The following DCBLD2 variants were observed in gnomAD, a reference collection of about 807,000 sequenced individuals.
DCBLD2 encodes discoidin, CUB and LCCL domain-containing protein 2.
Under a neutral mutation model 86.8 loss-of-function variants are expected in DCBLD2, and 54 were observed. That is an observed-to-expected ratio of 0.62 (90% CI 0.50 to 0.78). DCBLD2 has a LOEUF of 0.78. DCBLD2 is among the 30% of genes least tolerant of loss of function. The pLI is 0.00. For synonymous variants in DCBLD2, 354 were observed against 341.3 expected (o/e 1.04, Z -0.41); for missense variants, 908 against 954.2 (o/e 0.95, Z 0.64).
chr3:98,841,311 T>C (rs777630797), intron 3 of DCBLD2, among the ~76,000 whole-genome samples: 15 of 152,296 alleles, frequency 9.8e-5, no homozygotes, highest in Non-Finnish European at 5.9e-5. Flanking sequence ...CTAAGACAGT[T>C]GCAAACTTAG....
rs566697199 is a variant in DCBLD2 at position 98,798,112 on chromosome 3, C to G, written c.*1260G>C. 6.6e-5 allele frequency: 10 copies of G among 152,264 alleles called. No individual in the cohort carries two copies. The highest frequency in any genetic ancestry group is 2.0e-4 in the Admixed American group (3 of 15,286). 9.4% of individuals were successfully genotyped at this position (152,264 alleles called of 1,614,324 possible). ...GGAAGCTGCCAGGAGGTATCAAAAA[C>G]AAGGCATGAATATTCATTTGCTAGT... On this transcript the variant is annotated 3_prime_UTR_variant, in exon 16 of 16. Coordinates refer to ENST00000326840, the MANE Select transcript of DCBLD2 (RefSeq NM_080927.4).
At chr3:98,829,942 G>T (rs1942290959) in intron 3 of DCBLD2, among the ~76,000 whole-genome samples, 1 of 152,064 alleles carries the variant, frequency 6.6e-6, no homozygotes, top group Non-Finnish European at 1.5e-5. Context: ...ATTCTGACTG[G>T]TATGAGATGG....
chr3:98,809,824 T>C (rs1941906901), intron 12 of DCBLD2, among the ~76,000 whole-genome samples: 1 of 152,104 alleles, frequency 6.6e-6, no homozygotes, highest in African/African-American at 2.4e-5. Flanking sequence ...GCTGTAAAAA[T>C]GGAGAAGTCC....
At chr3:98,900,741 C>G (rs1943832297) in intron 1 of DCBLD2, 1 of 252,852 alleles carries the variant, frequency 4.0e-6, no homozygotes, top group South Asian at 4.6e-5. Flanking sequence ...GCTTAAGATG[C>G]TATTTAATTA....
chr3:98,831,853 T>C (rs1232687157), intron 3 of DCBLD2, among the ~76,000 whole-genome samples: 1 of 152,200 alleles, frequency 6.6e-6, no homozygotes. Context: ...GATTGCTTTA[T>C]GTCCGATTAT....
At chr3:98,826,436 C>T (rs771053006) in intron 3 of DCBLD2, among the ~76,000 whole-genome samples, 37 of 152,242 alleles carry the variant, frequency 2.4e-4, no homozygotes, top group Non-Finnish European at 4.6e-4. Flanking sequence ...CTGCCACTTC[C>T]TCACAGAAGC....
At chr3:98,810,911 G>A (rs778129267) in intron 12 of DCBLD2, among the ~76,000 whole-genome samples, 19 of 152,092 alleles carry the variant, frequency 1.2e-4, no homozygotes, top group Non-Finnish European at 2.4e-4. Flanking sequence ...TTCTAAGCCT[G>A]AGAGTCAACA....
At chr3:98,842,485 C>A (rs1476124859) in intron 3 of DCBLD2, among the ~76,000 whole-genome samples, 1 of 152,150 alleles carries the variant, frequency 6.6e-6, no homozygotes, top group African/African-American at 2.4e-5. Context: ...TGATTCAGAG[C>A]CAATTAACAT....
intron 3 of DCBLD2, among the ~76,000 whole-genome samples, chr3:98,834,040 C>T (rs1007988266): frequency 6.6e-6 from 1 of 152,086 alleles, no homozygotes; most frequent in African/African-American, 2.4e-5. Flanking sequence ...TTTTCCAGCA[C>T]CACTTCCCTG....
intron 2 of DCBLD2, among the ~76,000 whole-genome samples, chr3:98,866,302 T>C (rs962489298): frequency 6.6e-6 from 1 of 152,226 alleles, no homozygotes; most frequent in Non-Finnish European, 1.5e-5. Flanking sequence ...TCCACAATGG[T>C]TGAACTAGTT....
chr3:98,811,808 G>A (rs1941945137), intron 10 of DCBLD2, among the ~76,000 whole-genome samples: 1 of 152,128 alleles, frequency 6.6e-6, no homozygotes, highest in Non-Finnish European at 1.5e-5. Context: ...GGGGTGGAAA[G>A]TGATGTTGAA....
chr3:98,814,911 A>T (rs888596719), intron 9 of DCBLD2: 7 of 152,282 alleles, frequency 4.6e-5, no homozygotes, highest in Non-Finnish European at 1.0e-4. Context: ...AGGGAAACAA[A>T]TAAGGTGAAC....
chr3:98,813,095 TATTA>T (rs1454424402), intron 9 of DCBLD2: 4 of 152,254 alleles, frequency 2.6e-5, no homozygotes, highest in Non-Finnish European at 4.4e-5. Flanking sequence ...ATGCTTAAAT[TATTA>T]ATTATTTTTA....
At chr3:98,849,772 CAAGTA>C (rs1942799954) in intron 2 of DCBLD2, among the ~76,000 whole-genome samples, 174 bp from the exon 3 acceptor site, 1 of 151,948 alleles carries the variant, frequency 6.6e-6, no homozygotes, top group Non-Finnish European at 1.5e-5. Context: ...AAAAAAATGA[CAAGTA>C]ATGTCTATTC....
intron 1 of DCBLD2, among the ~76,000 whole-genome samples, chr3:98,884,404 T>TA (rs79218983): frequency 0.023 from 3,150 of 138,734 alleles, 59 homozygotes; most frequent in African/African-American, 0.054. Flanking sequence ...ACACAGTCCA[T>TA]AAAAAAAAAA....
At chr3:98,810,671 T>C (rs1055109839) in intron 12 of DCBLD2, among the ~76,000 whole-genome samples, 1 of 152,204 alleles carries the variant, frequency 6.6e-6, no homozygotes, top group Non-Finnish European at 1.5e-5. Flanking sequence ...TAAATTTCTA[T>C]TTATGATCTT....
chr3:98,876,332 A>G (rs1943367824), intron 2 of DCBLD2, among the ~76,000 whole-genome samples: 1 of 147,788 alleles, frequency 6.8e-6, no homozygotes. Context: ...GGCCAGCCTG[A>G]GCAATATAGA....
At chr3:98,802,007 A>C (rs1197176245) in intron 13 of DCBLD2, 1 of 178,464 alleles carries the variant, frequency 5.6e-6, no homozygotes, top group East Asian at 1.5e-4. Context: ...ATAGTGCTGC[A>C]ATGAACATAC....
At chr3:98,844,721 G>A (rs1485447827) in intron 3 of DCBLD2, among the ~76,000 whole-genome samples, 1 of 152,078 alleles carries the variant, frequency 6.6e-6, no homozygotes, top group Non-Finnish European at 1.5e-5. Flanking sequence ...ACCTTACTGT[G>A]GTAGGTTCTG....
Sources: allele counts gnomAD v4.1 joint callset (sites outside exome capture counted in the v4.1 genomes callset), GRCh38; gene constraint gnomAD v4.1.1; transcripts MANE v1.5; gene names NCBI Gene and HGNC (gene_info 2026-07-23, HGNC 2026-07-21).